ALX1: variants seen among roughly 807,000 people sequenced by gnomAD.
ALX1 encodes ALX homeobox 1, also known as ALX homeobox protein 1.
A neutral mutation model predicts 31.7 loss-of-function variants in ALX1; 19 were observed. The observed-to-expected ratio is 0.60, with a 90% CI of 0.42 to 0.88. The LOEUF (loss-of-function observed/expected upper bound fraction) is 0.88. Among genes scored for constraint, ALX1 ranks in the 40% least tolerant of loss-of-function variants. ALX1 has a pLI of 0.00. For missense variants in ALX1, 415 were observed against 407.8 expected (o/e 1.02, Z -0.15); for synonymous variants, 153 against 148.8 (o/e 1.03, Z -0.20).
At chr12:85,294,467 C>A (rs1186935978) in intron 3 of ALX1, among the ~76,000 whole-genome samples, 1 of 150,980 alleles carries the variant, frequency 6.6e-6, no homozygotes, top group Non-Finnish European at 1.5e-5. Context: ...CATTTTAAAG[C>A]AATCGTGAGA....
intron 2 of ALX1, 24 bp downstream of exon 2, chr12:85,283,900 A>C (rs753511362): frequency 6.2e-7 from 1 of 1,611,088 alleles, no homozygotes; most frequent in Non-Finnish European, 8.5e-7. Context: ...AGAGGCCTTG[A>C]TGGATGGGAT....
intron 2 of ALX1, 116 bp from the exon 3 acceptor site, chr12:85,286,737 T>C: frequency 1.0e-6 from 1 of 979,070 alleles, no homozygotes; most frequent in Non-Finnish European, 1.5e-6. Context: ...TAAATACATT[T>C]CTTTTTACGT....
chr12:85,284,005 T>G, intron 2 of ALX1, 129 bp downstream of exon 2: 2 of 978,266 alleles, frequency 2.0e-6, no homozygotes, highest in South Asian at 3.0e-5. Context: ...CGGAGTAATA[T>G]ATATGAATAT....
intron 1 of ALX1, among the ~76,000 whole-genome samples, chr12:85,280,807 T>G (rs1896661600): frequency 6.6e-6 from 1 of 151,964 alleles, no homozygotes; most frequent in Non-Finnish European, 1.5e-5. Flanking sequence ...GATAGGGCGC[T>G]AAATAGAGCG....
At chr12:85,283,508 A>T in intron 1 of ALX1, 64 bp from the exon 2 acceptor site, 1 of 1,523,356 alleles carries the variant, frequency 6.6e-7, no homozygotes, top group Non-Finnish European at 9.1e-7. Context: ...ACTTCTACTT[A>T]TTGATTTAAT....
chr12:85,289,297 A>G (rs1320034146), intron 3 of ALX1, among the ~76,000 whole-genome samples: 1 of 151,148 alleles, frequency 6.6e-6, no homozygotes, highest in Non-Finnish European at 1.5e-5. Context: ...TAAATGCTCA[A>G]TATGACTCAG....
intron 3 of ALX1, among the ~76,000 whole-genome samples, chr12:85,293,189 G>A (rs1208358826): frequency 6.7e-6 from 1 of 149,624 alleles, no homozygotes; most frequent in African/African-American, 2.4e-5. Flanking sequence ...AGTTTTTGCA[G>A]CGAGTAAATA....
chr12:85,301,727 G>A lies in ALX1; in HGVS notation c.*252G>A, dbSNP rs1019615003. 1.0e-4 allele frequency: 53 copies of A among 514,224 alleles called. No individual in the cohort carries two copies. Among genetic ancestry groups the A allele is most frequent in the Admixed American group, 1.1e-4 (3 of 28,268 alleles). 31.9% of individuals were successfully genotyped at this position (514,224 alleles called of 1,614,324 possible). ...AGTAGTAAGGTTTTCTTTTTCTATT[G>A]TACAAGTCAATGAAATATGATCACG... On this transcript the variant is annotated 3_prime_UTR_variant, in exon 4 of 4. Coordinates refer to ENST00000316824, the MANE Select transcript of ALX1 (RefSeq NM_006982.3).
At chr12:85,289,139 G>T (rs534658411) in intron 3 of ALX1, among the ~76,000 whole-genome samples, 1 of 151,084 alleles carries the variant, frequency 6.6e-6, no homozygotes, top group African/African-American at 2.4e-5. Context: ...GTCCCTGTAC[G>T]TTGGTTGTTT....
rs975394631 is a variant in ALX1, at chr12:85,283,322, C to G, written c.227-250C>G. 1.2e-4 allele frequency among the ~76,000 whole-genome samples: 18 copies of G among 152,080 alleles called. 1 individual carries two copies. Among genetic ancestry groups the G allele is most frequent in the Non-Finnish European group, 4.4e-5 (3 of 68,004 alleles). On this transcript the variant is annotated intron_variant, in intron 1 of 3. Transcript: ENST00000316824. ...TTTAAGTAAAAAACATGTGCATAAACTTATAAATCCTGTAAAATAGAACTG... is the reference window on the plus strand; with the variant it reads ...TTTAAGTAAAAAACATGTGCATAAAGTTATAAATCCTGTAAAATAGAACTG...
At chr12:85,281,953 C>T (rs180892731) in intron 1 of ALX1, among the ~76,000 whole-genome samples, 19 of 152,160 alleles carry the variant, frequency 1.2e-4, no homozygotes, top group South Asian at 1.2e-3. Flanking sequence ...ATAATTGATG[C>T]GTTATCAACT....
At chr12:85,297,164 A>C (rs1896899958) in intron 3 of ALX1, among the ~76,000 whole-genome samples, 2 of 151,672 alleles carry the variant, frequency 1.3e-5, no homozygotes, top group African/African-American at 4.8e-5. Flanking sequence ...AGCTCAAATA[A>C]TGTTGTTGTT....
chr12:85,284,068 AT>A (rs911633043), intron 2 of ALX1, among the ~76,000 whole-genome samples, 192 bp downstream of exon 2: 2 of 152,298 alleles, frequency 1.3e-5, no homozygotes, highest in East Asian at 3.9e-4. Flanking sequence ...CTCACGCAAT[AT>A]GTAAAACAAA....
Position 85,301,050 on chromosome 12 carries a change from C to T in ALX1, c.661-105C>T, listed in dbSNP as rs1440015417. On this transcript the variant is annotated intron_variant, in intron 3 of 3. Coordinates refer to ENST00000316824, the MANE Select transcript of ALX1 (RefSeq NM_006982.3). The stretch of plus-strand genomic sequence containing the variant: ...GTAATTACAGACCACCCAATAGGAG[C>T]AAACAATGAATAGTTAACCAAATTT... The T allele has an allele frequency of 3.2e-6, 4 of 1,247,836 alleles. No individual in the cohort carries two copies. The South Asian group carries it at 3.9e-5, about 12-fold the overall frequency. The allele number at this position is 1,247,836 out of a possible 1,614,324, so 77.3% of individuals were successfully genotyped here. A position where few individuals can be genotyped will look rare whatever the true frequency, so the allele number is the denominator to read the frequency against.
intron 2 of ALX1, among the ~76,000 whole-genome samples, chr12:85,284,178 G>A (rs888409226): frequency 6.8e-6 from 1 of 148,000 alleles, no homozygotes; most frequent in East Asian, 1.9e-4. Flanking sequence ...TTTAAAGGAT[G>A]AAAAGCAGAA....
chr12:85,280,317 A>G lies in ALX1; in HGVS notation c.56A>G (p.Asp19Gly). 6.2e-7 allele frequency: 1 copy of G among 1,613,784 alleles called. No homozygotes were observed. The highest frequency in any genetic ancestry group is 8.5e-7 in the Non-Finnish European group (1 of 1,180,012). Residue 19 changes from aspartate to glycine, a missense_variant, in exon 1 of 4, where the codon GAC becomes GGC. Asp to Gly is a moderately conservative substitution (Grantham distance 94). Coordinates refer to ENST00000316824, the MANE Select transcript of ALX1 (RefSeq NM_006982.3). ...ALKSPPSKNS[D>G]FYMGAGGPLE... is the part of the protein sequence containing the mutation. ...AAGAGCCCTCCGAGTAAAAACAGTG[A>G]CTTTTACATGGGCGCAGGAGGTCCT...
At position 85,283,622 on chromosome 12, in the gene ALX1, A is replaced by C. The variant is rs772449913; in HGVS notation, c.277A>C (p.Asn93His). 3.1e-6 allele frequency: 5 copies of C among 1,614,120 alleles called. No individual in the cohort carries two copies. In the South Asian group the frequency reaches 5.5e-5, roughly 18 times the overall value. Reference protein sequence around the residue: ...VEGQPLHTELNRAMDNCNSLR... With the variant: ...VEGQPLHTELHRAMDNCNSLR... ...AGGACAGCCCCTTCACACCGAACTG[A>C]ATAGAGCTATGGACAACTGTAACAG... The change falls in exon 2 of 4, where the codon AAT (asparagine) becomes CAT (histidine). Residue 93 changes from asparagine (N) to histidine (H), a missense_variant. Transcript: ENST00000316824.
At position 85,293,841 on chromosome 12, in the gene ALX1, C is replaced by T. The variant is rs7957129; in HGVS notation, c.660+6860C>T. ...GAACTGTTGTTTAAAATCTGCAGTT[C>T]ACCCTATTGTTAGTGTGAACCTTAT... On this transcript the variant is annotated intron_variant, in intron 3 of 3. Coordinates refer to ENST00000316824, the MANE Select transcript of ALX1 (RefSeq NM_006982.3). Among the ~76,000 whole-genome samples the T allele has an allele frequency of 8.8e-3, 1,334 of 151,224 alleles. 10 individuals are homozygous for T. Among genetic ancestry groups the T allele is most frequent in the African/African-American group, 0.03 (1,260 of 41,406 alleles).
At chr12:85,293,860 A>C (rs970252472) in intron 3 of ALX1, among the ~76,000 whole-genome samples, 10 of 151,112 alleles carry the variant, frequency 6.6e-5, no homozygotes, top group African/African-American at 2.4e-4. Context: ...GTTAGTGTGA[A>C]CCTTATGATA....
Sources: gnomAD v4.1 joint callset for allele counts (sites outside exome capture counted in the v4.1 genomes callset) on GRCh38, gnomAD v4.1.1 for gene constraint, MANE v1.5 for transcripts, NCBI Gene and HGNC (gene_info 2026-07-23, HGNC 2026-07-21) for gene names.